Variants in ARHGAP11B observed in about 807,000 individuals in gnomAD.
ARHGAP11B encodes the protein inactive Rho GTPase-activating protein 11B.
Under a neutral mutation model 27.6 loss-of-function variants are expected in ARHGAP11B, and 14 were observed. That is an observed-to-expected ratio of 0.51 (90% CI 0.34 to 0.79). ARHGAP11B has a LOEUF of 0.79. Among genes scored for constraint, ARHGAP11B ranks in the 30% least tolerant of loss-of-function variants. The pLI, the probability that ARHGAP11B is intolerant of heterozygous loss-of-function variation, is 0.02. For missense variants in ARHGAP11B, 245 were observed against 320.1 expected, an observed-to-expected ratio of 0.77 and a Z score of 1.79; for synonymous variants, 82 against 114.1, an observed-to-expected ratio of 0.72 and a Z score of 1.80.
exon 1 of ARHGAP11B, chr15:30,626,645 T>C: frequency 2.5e-6 from 2 of 811,658 alleles, no homozygotes; most frequent in Non-Finnish European, 3.8e-6. Context: ...TGGATGTGAG[T>C]GAGGATCAAG....
At chr15:30,639,791 G>A (rs534025836) in intron 7 of ARHGAP11B, among the ~76,000 whole-genome samples, 1 of 152,114 alleles carries the variant, frequency 6.6e-6, no homozygotes, top group East Asian at 1.9e-4. Context: ...CCAGTATCAG[G>A]TAGCAAATAG....
intron 1 of ARHGAP11B, among the ~76,000 whole-genome samples, chr15:30,630,305 G>T (rs1026806708): frequency 1.3e-5 from 2 of 152,070 alleles, no homozygotes; most frequent in African/African-American, 4.8e-5. Flanking sequence ...GTGACCAAAA[G>T]AAAGTATCTA....
chr15:30,635,737 A>G lies in ARHGAP11B; in HGVS notation c.*3+104A>G, dbSNP rs1407717041. ...TGTGGTATGTGCCTTTTTGGTGCTTAAAGCACAGCTGGAAAGATAGGACGT... is the reference window on the plus strand; with the variant it reads ...TGTGGTATGTGCCTTTTTGGTGCTTGAAGCACAGCTGGAAAGATAGGACGT... On this transcript the variant is annotated intron_variant, in intron 6 of 10. Coordinates refer to ENST00000428041, the Ensembl canonical transcript of ARHGAP11B. The G allele has an allele frequency of 1.2e-5, 14 of 1,157,018 alleles. No individual in the cohort carries two copies. In the African/African-American group the frequency reaches 1.2e-4, roughly 10 times the overall value. The allele number at this position is 1,157,018 out of a possible 1,614,324, so 71.7% of individuals were successfully genotyped here. A position where few individuals can be genotyped will look rare whatever the true frequency, so the allele number is the denominator to read the frequency against.
rs140366222 is a variant in ARHGAP11B at position 30,646,256 on chromosome 15, T to A, written c.*285T>A. ...TTTGCTATTTGTGCATGGTGGCTGG[T>A]CACCAGGAGGTGGCCACCAGGCTTC... On this transcript the variant is annotated 3_prime_UTR_variant, in exon 9 of 11. Coordinates refer to ENST00000428041, the Ensembl canonical transcript of ARHGAP11B. 1.1e-5 allele frequency: 11 copies of A among 1,019,442 alleles called. No individual in the cohort carries two copies. In the African/African-American group the frequency reaches 1.5e-4, roughly 14 times the overall value. The allele number at this position is 1,019,442 out of a possible 1,614,324, so 63.1% of individuals were successfully genotyped here.
chr15:30,636,224 G>A, intron 6 of ARHGAP11B, among the ~76,000 whole-genome samples: 1 of 152,002 alleles, frequency 6.6e-6, no homozygotes, highest in Non-Finnish European at 1.5e-5. Flanking sequence ...AGACTTGGAA[G>A]TAGGGAGAAT....
At chr15:30,631,225 A>G (rs975289151) in intron 2 of ARHGAP11B, among the ~76,000 whole-genome samples, 3 of 151,712 alleles carry the variant, frequency 2.0e-5, no homozygotes, top group Non-Finnish European at 4.4e-5. Context: ...AAAGTCCAGT[A>G]ATGAGTAAAT....
At chr15:30,626,587 G>T in exon 1 of ARHGAP11B, 1 of 555,200 alleles carries the variant, frequency 1.8e-6, no homozygotes, top group South Asian at 2.9e-5. Flanking sequence ...TGAAGGAAGA[G>T]TGAGGTGTGG....
intron 7 of ARHGAP11B, among the ~76,000 whole-genome samples, chr15:30,642,260 G>A (rs886382056): frequency 6.6e-6 from 1 of 151,792 alleles, no homozygotes; most frequent in Non-Finnish European, 1.5e-5. Context: ...TGTCCTGGGT[G>A]TGATTCAAAC....
chr15:30,633,976 A>G (rs1002439901), intron 3 of ARHGAP11B, among the ~76,000 whole-genome samples, 194 bp from the exon 4 acceptor site: 8 of 151,602 alleles, frequency 5.3e-5, no homozygotes, highest in Non-Finnish European at 8.8e-5. Context: ...CCCAGGCCAC[A>G]TAGTCTGTGC....
At chr15:30,635,513 A>C (rs780863495) in exon 6 of ARHGAP11B, 1 of 1,613,442 alleles carries the variant, frequency 6.2e-7, no homozygotes, top group Non-Finnish European at 8.5e-7. Context: ...TATCCTGGAA[A>C]AGATACCAGC....
At chr15:30,637,271 C>G (rs192426840) in intron 6 of ARHGAP11B, among the ~76,000 whole-genome samples, 6 of 151,958 alleles carry the variant, frequency 3.9e-5, no homozygotes, top group African/African-American at 1.4e-4. Context: ...CATCTTTATC[C>G]TCTTTATCCT....
chr15:30,630,819 C>T, intron 2 of ARHGAP11B, 46 bp downstream of exon 2: 1 of 1,606,048 alleles, frequency 6.2e-7, no homozygotes. Flanking sequence ...GTGGCATATG[C>T]CTGTAACCCC....
chr15:30,639,161 A>G (rs2060300259), intron 7 of ARHGAP11B, among the ~76,000 whole-genome samples: 2 of 152,182 alleles, frequency 1.3e-5, no homozygotes, highest in Non-Finnish European at 2.9e-5. Flanking sequence ...TGTATATTTC[A>G]ATTTTTTATC....
chr15:30,637,632 G>A (rs2060288724), intron 6 of ARHGAP11B, among the ~76,000 whole-genome samples: 1 of 151,876 alleles, frequency 6.6e-6, no homozygotes, highest in Non-Finnish European at 1.5e-5. Flanking sequence ...TACTTGGGAG[G>A]CTGAGGCAGG....
rs374158012 is a variant in ARHGAP11B at position 30,634,453 on chromosome 15, A to G, written c.551+30A>G. The G allele has an allele frequency of 2.9e-4, 454 of 1,590,100 alleles. 3 individuals carry two copies. The highest frequency in any genetic ancestry group is 2.1e-3 in the African/African-American group (154 of 73,770). On this transcript the variant is annotated intron_variant, in intron 4 of 10. Transcript: ENST00000428041. ...GTGGTAATTAAAACTCTTGGCAAATAATAGTTGAATTTTTCAACTAACGTT... is the reference window on the plus strand; with the variant it reads ...GTGGTAATTAAAACTCTTGGCAAATGATAGTTGAATTTTTCAACTAACGTT...
Position 30,633,591 on chromosome 15 carries a change from G to A in ARHGAP11B, c.297+5G>A, listed in dbSNP as rs751951194. Reference sequence around the variant, plus strand: ...ATTCGCCTAAAAGCACTAAAGGTGAGCATATTGTTGAACTATAATTTTTCA... The same window carrying A: ...ATTCGCCTAAAAGCACTAAAGGTGAACATATTGTTGAACTATAATTTTTCA... On this transcript the variant is annotated splice_donor_5th_base_variant and intron_variant, in intron 3 of 10. Transcript: ENST00000428041. 4.4e-6 allele frequency: 7 copies of A among 1,601,404 alleles called. No homozygotes were observed. Among genetic ancestry groups the A allele is most frequent in the South Asian group, 2.3e-5 (2 of 88,564 alleles).
chr15:30,644,538 T>C, intron 7 of ARHGAP11B: 3 of 664,562 alleles, frequency 4.5e-6, no homozygotes, highest in Non-Finnish European at 7.7e-6. Context: ...TACACATTCT[T>C]TTTTTGTCCT....
At chr15:30,626,137 G>C (rs1164414279) in exon 1 of ARHGAP11B, 2 of 153,782 alleles carry the variant, frequency 1.3e-5, no homozygotes, top group African/African-American at 2.4e-5. Context: ...TGGTGGCTCC[G>C]GGTGTCTGCA....
At chr15:30,629,152 A>C (rs2060228068) in intron 1 of ARHGAP11B, among the ~76,000 whole-genome samples, 2 of 152,062 alleles carry the variant, frequency 1.3e-5, no homozygotes, top group Non-Finnish European at 2.9e-5. Flanking sequence ...AATTCTTCCT[A>C]CACCTCTATG....
Sources: allele counts gnomAD v4.1 joint callset (sites outside exome capture counted in the v4.1 genomes callset), GRCh38; gene constraint gnomAD v4.1.1; transcripts MANE v1.5; gene names NCBI Gene and HGNC (gene_info 2026-07-23, HGNC 2026-07-21).